CFAP47: variants seen among roughly 807,000 people sequenced by gnomAD.
CFAP47 encodes cilia and flagella associated protein 47.
A neutral mutation model predicts 148.1 loss-of-function variants in CFAP47; 29 were observed. The ratio of observed to expected loss-of-function variants is 0.20; its 90% CI spans 0.15 to 0.27. The LOEUF is 0.27. Ranked by LOEUF, CFAP47 falls within the 10% of genes least tolerant of loss-of-function variation. The pLI is 1.00. For synonymous variants in CFAP47, 664 were observed against 577.3 expected, an observed-to-expected ratio of 1.15 and a Z score of -2.15; for missense variants, 1,872 against 1,697.5, an observed-to-expected ratio of 1.10 and a Z score of -1.81.
intron 26 of CFAP47, among the ~76,000 whole-genome samples, chrX:36,049,140 C>T (rs866537659): frequency 7.1e-4 from 79 of 110,694 alleles, no homozygotes; most frequent in African/African-American, 2.0e-3. Flanking sequence ...TCATGGAATC[C>T]GCACAATAGT....
chrX:36,096,710 C>A (rs775260133), intron 30 of CFAP47, among the ~76,000 whole-genome samples: 1 of 109,433 alleles, frequency 9.1e-6, no homozygotes, highest in Non-Finnish European at 1.9e-5. Flanking sequence ...TTTTTCCATC[C>A]GTGTATGTTC....
intron 49 of CFAP47, among the ~76,000 whole-genome samples, chrX:36,275,974 G>T (rs1250482053): frequency 9.2e-6 from 1 of 108,720 alleles, no homozygotes. Context: ...CCATTTTTTT[G>T]GTGTATAATT....
At chrX:35,986,010 AT>A (rs1364246356) in intron 15 of CFAP47, 3 of 289,450 alleles carry the variant, frequency 1.0e-5, no homozygotes, top group African/African-American at 8.3e-5. Context: ...AATTAAGGAA[AT>A]TGCCCATGGT....
At chrX:36,003,974 T>TC (rs1569229929) in intron 21 of CFAP47, among the ~76,000 whole-genome samples, 1 of 94,034 alleles carries the variant, frequency 1.1e-5, no homozygotes, top group African/African-American at 4.1e-5. Flanking sequence ...TTTCTTTTTT[T>TC]TTTTTTTTTT....
At chrX:35,954,424 G>A (rs1358382335) in intron 7 of CFAP47, among the ~76,000 whole-genome samples, 2 of 111,256 alleles carry the variant, frequency 1.8e-5, no homozygotes, top group East Asian at 2.8e-4. Context: ...GTCAGTATAA[G>A]TGATATTGAG....
chrX:36,022,427 G>A (rs1251177035), intron 22 of CFAP47, among the ~76,000 whole-genome samples: 2 of 110,617 alleles, frequency 1.8e-5, no homozygotes, highest in Non-Finnish European at 1.9e-5. Context: ...CTTGATCTTG[G>A]AATTTTGATT....
Position 36,379,371 on chromosome X carries a change from A to T in CFAP47, c.9207A>T (p.Ala3069=). 4 of 1,167,724 alleles carry T rather than the reference A, an allele frequency of 3.4e-6. No individual in the cohort carries two copies. The highest frequency in any genetic ancestry group is 4.6e-6 in the Non-Finnish European group (4 of 872,829). The change falls in exon 63 of 64, where the codon GCA becomes GCT. Residue 3069 remains alanine (A), a synonymous_variant. Coordinates refer to ENST00000378653, the MANE Select transcript of CFAP47 (RefSeq NM_001304548.2). ...SQTRNPEPFT[A]HFLPGSDLEF... ...CCAGAAATCCTGAGCCGTTCACCGCACACTTCCTACCTGGCAGCGATCTGG... is the reference window on the plus strand; with the variant it reads ...CCAGAAATCCTGAGCCGTTCACCGCTCACTTCCTACCTGGCAGCGATCTGG...
intron 51 of CFAP47, among the ~76,000 whole-genome samples, chrX:36,294,727 A>C (rs1215422095): frequency 1.8e-5 from 2 of 111,149 alleles, no homozygotes; most frequent in Non-Finnish European, 3.8e-5. Flanking sequence ...TAAAATAAAA[A>C]TGAAAATAAA....
At chrX:35,972,934 T>C (rs1277089872) in intron 13 of CFAP47, among the ~76,000 whole-genome samples, 2 of 111,697 alleles carry the variant, frequency 1.8e-5, no homozygotes, top group Non-Finnish European at 3.8e-5. Flanking sequence ...CCAAAGTGAT[T>C]GCACAAAGTT....
At chrX:36,284,511 A>C (rs1387491505) in intron 50 of CFAP47, among the ~76,000 whole-genome samples, 1 of 111,628 alleles carries the variant, frequency 9.0e-6, no homozygotes, top group Non-Finnish European at 1.9e-5. Context: ...GTGCAGTAAA[A>C]TACAATGTCA....
intron 3 of CFAP47, among the ~76,000 whole-genome samples, chrX:35,945,824 A>T (rs1172004150): frequency 9.1e-6 from 1 of 109,437 alleles, no homozygotes; most frequent in African/African-American, 3.3e-5. Context: ...AAATTTGATC[A>T]CAAATATTCC....
At chrX:36,005,655 G>A (rs1003963830) in intron 21 of CFAP47, among the ~76,000 whole-genome samples, 6 of 112,004 alleles carry the variant, frequency 5.4e-5, no homozygotes, top group Non-Finnish European at 7.5e-5. Flanking sequence ...ATCTGGATGT[G>A]TATGTGTATG....
intron 12 of CFAP47, 26 bp downstream of exon 12, chrX:35,971,798 T>A: frequency 8.4e-7 from 1 of 1,193,588 alleles, no homozygotes; most frequent in Non-Finnish European, 1.1e-6. Context: ...TACATTTGGT[T>A]ATTCCACGAG....
chrX:36,087,704 C>T (rs1227841546), intron 30 of CFAP47, among the ~76,000 whole-genome samples: 1 of 111,500 alleles, frequency 9.0e-6, no homozygotes, highest in African/African-American at 3.3e-5. Flanking sequence ...AGAGATTTAC[C>T]TTTTGAATTT....
intron 49 of CFAP47, 79 bp downstream of exon 49, chrX:36,251,523 A>C: frequency 2.6e-6 from 1 of 391,845 alleles, no homozygotes; most frequent in South Asian, 4.7e-5. Flanking sequence ...ATAGAAATGC[A>C]ATTTGTATTT....
At chrX:36,328,816 CAAAAAAAAAAAAA>C in intron 57 of CFAP47, among the ~76,000 whole-genome samples, 1 of 56,448 alleles carries the variant, frequency 1.8e-5, no homozygotes, top group Middle Eastern at 0.01. Flanking sequence ...GACTCTGTCT[CAAAAAAAAAAAAA>C]AAAAAAGAAA....
chrX:36,105,322 A>G (rs770464748), intron 33 of CFAP47, among the ~76,000 whole-genome samples: 1 of 111,960 alleles, frequency 8.9e-6, no homozygotes, highest in Non-Finnish European at 1.9e-5. Flanking sequence ...TACTAAGGAC[A>G]GTGCGCATGG....
At position 35,919,741 on chromosome X, in the gene CFAP47, G is replaced by T. The variant is rs1487734716; in HGVS notation, c.-59G>T. On this transcript the variant is annotated 5_prime_UTR_variant, in exon 1 of 64. Transcript: ENST00000378653. ...TGATGGTTGCCTAGCGACGGTCGTC[G>T]ACGCTAATCCTTGGCCGGACGGATC... 57 of 1,139,344 alleles carry T rather than the reference G, an allele frequency of 5.0e-5. 1 individual carries two copies. The South Asian group carries it at 1.1e-3, about 22-fold the overall frequency. The allele number at this position is 1,139,344 out of a possible 1,213,427, so 93.9% of individuals were successfully genotyped here.
intron 42 of CFAP47, among the ~76,000 whole-genome samples, chrX:36,198,299 T>C (rs1269624107): frequency 9.0e-6 from 1 of 111,564 alleles, no homozygotes; most frequent in East Asian, 2.8e-4. Flanking sequence ...GTCATAGAAT[T>C]TAATGATTTT....
Sources: gnomAD v4.1 joint callset for allele counts (sites outside exome capture counted in the v4.1 genomes callset) on GRCh38, gnomAD v4.1.1 for gene constraint, MANE v1.5 for transcripts, NCBI Gene and HGNC (gene_info 2026-07-23, HGNC 2026-07-21) for gene names.